Variants in NLGN4X observed in about 807,000 individuals in gnomAD.
NLGN4X encodes neuroligin-4, X-linked.
Under a neutral mutation model 40.3 loss-of-function variants are expected in NLGN4X, and 3 were observed. The observed-to-expected ratio is 0.07, with a 90% CI of 0.03 to 0.19. The LOEUF is 0.19. Among genes scored for constraint, NLGN4X ranks in the 10% least tolerant of loss-of-function variants. NLGN4X has a pLI of 1.00. For synonymous variants in NLGN4X, 270 were observed against 306.8 expected, an observed-to-expected ratio of 0.88 and a Z score of 1.25; for missense variants, 382 against 708.3, an observed-to-expected ratio of 0.54 and a Z score of 5.23.
At chrX:6,117,579 C>T (rs2039330914) in intron 2 of NLGN4X, among the ~76,000 whole-genome samples, 1 of 111,648 alleles carries the variant, frequency 9.0e-6, no homozygotes, top group South Asian at 3.8e-4. Flanking sequence ...ATTCCTGGTC[C>T]TGCCTTGTTC....
chrX:6,146,799 T>C (rs925374773), intron 2 of NLGN4X, among the ~76,000 whole-genome samples: 3 of 111,113 alleles, frequency 2.7e-5, no homozygotes, highest in Non-Finnish European at 5.7e-5. Flanking sequence ...TGCTTTGTTT[T>C]GTTTTGAGAG....
intron 3 of NLGN4X, among the ~76,000 whole-genome samples, chrX:5,966,729 C>G (rs1768483820): frequency 9.0e-6 from 1 of 110,811 alleles, no homozygotes; most frequent in Admixed American, 9.7e-5. Context: ...AAAATGTTTA[C>G]TGTAGTTTCA....
In NLGN4X at chrX:6,143,802, T is replaced by C. The variant is rs374811752; in HGVS notation, c.472+7193A>G. On this transcript the variant is annotated intron_variant, in intron 2 of 5. Coordinates refer to ENST00000381095, the MANE Select transcript of NLGN4X (RefSeq NM_181332.3). ...GGGTTCCAGACCAGTCTGGGCAACA[T>C]AGGAAGGCTCCAACTCTTTAAAAAT... 7.1e-5 allele frequency among the ~76,000 whole-genome samples: 8 copies of C among 112,119 alleles called. No homozygotes were observed. In the East Asian group the frequency reaches 1.7e-3, roughly 24 times the overall value.
intron 3 of NLGN4X, among the ~76,000 whole-genome samples, chrX:5,975,610 T>A (rs1331166425): frequency 2.3e-5 from 2 of 86,142 alleles, no homozygotes; most frequent in Non-Finnish European, 4.3e-5. Flanking sequence ...AAGACTCCGT[T>A]TCAAAAAAAA....
chrX:5,998,039 C>T (rs1351876406), intron 3 of NLGN4X, among the ~76,000 whole-genome samples: 2 of 111,695 alleles, frequency 1.8e-5, no homozygotes, highest in African/African-American at 3.3e-5. Flanking sequence ...CATCTTTAAG[C>T]CCTTTGTATT....
At chrX:6,192,678 CAT>C (rs910356327) in intron 1 of NLGN4X, among the ~76,000 whole-genome samples, 4 of 111,354 alleles carry the variant, frequency 3.6e-5, no homozygotes, top group East Asian at 2.8e-4. Flanking sequence ...AACAGCAGCA[CAT>C]GTTTCCCATA....
At chrX:6,192,335 C>A (rs1922618319) in intron 1 of NLGN4X, among the ~76,000 whole-genome samples, 1 of 110,631 alleles carries the variant, frequency 9.0e-6, no homozygotes. Flanking sequence ...ACTGTGTGGC[C>A]CAGGCTGGTC....
chrX:5,936,663 C>G (rs181814987), intron 3 of NLGN4X, among the ~76,000 whole-genome samples: 2 of 111,926 alleles, frequency 1.8e-5, no homozygotes, highest in East Asian at 5.7e-4. Context: ...AGTAATTACT[C>G]AAATTGCACG....
intron 1 of NLGN4X, among the ~76,000 whole-genome samples, chrX:6,160,973 A>C (rs1183089866): frequency 9.9e-6 from 1 of 101,064 alleles, no homozygotes; most frequent in Non-Finnish European, 2.0e-5. Context: ...AAAATATATT[A>C]TTCTATATAT....
chrX:5,991,646 C>T, intron 3 of NLGN4X: 1 of 408,733 alleles, frequency 2.4e-6, no homozygotes, highest in East Asian at 4.3e-5. Flanking sequence ...TTACATCCAT[C>T]AGTGCTAATA....
intron 2 of NLGN4X, among the ~76,000 whole-genome samples, chrX:6,125,740 T>A (rs979941121): frequency 8.1e-5 from 9 of 111,695 alleles, no homozygotes; most frequent in Non-Finnish European, 1.3e-4. Context: ...TTTTAGTAAT[T>A]CTACTTATTT....
intron 2 of NLGN4X, among the ~76,000 whole-genome samples, chrX:6,147,149 T>C (rs1179102298): frequency 3.6e-5 from 4 of 111,548 alleles, no homozygotes; most frequent in Non-Finnish European, 5.6e-5. Flanking sequence ...AGTCCCATGA[T>C]GAAGAATGGA....
At chrX:6,065,563 T>C (rs1399809726) in intron 2 of NLGN4X, among the ~76,000 whole-genome samples, 1 of 111,378 alleles carries the variant, frequency 9.0e-6, no homozygotes, top group East Asian at 2.8e-4. Context: ...GCCAAATGTT[T>C]AAGGGGAGAA....
At chrX:5,895,797 TAAAC>T (rs1372367329) in intron 5 of NLGN4X, among the ~76,000 whole-genome samples, 3 of 111,740 alleles carry the variant, frequency 2.7e-5, no homozygotes, top group Admixed American at 9.5e-5. Flanking sequence ...TATTTACTGA[TAAAC>T]AATATATTTG....
intron 1 of NLGN4X, among the ~76,000 whole-genome samples, chrX:6,199,420 AAT>A (rs1402809909): frequency 8.9e-6 from 1 of 111,914 alleles, no homozygotes; most frequent in Non-Finnish European, 1.9e-5. Context: ...TAAGTTTAAA[AAT>A]AGAGGATTGA....
At position 6,188,604 on chromosome X, in the gene NLGN4X, C is replaced by A. The variant is rs1014273926; in HGVS notation, c.-305-36833G>T. Among the ~76,000 whole-genome samples, 4 of 110,715 alleles carry A rather than the reference C, an allele frequency of 3.6e-5. No individual in the cohort carries two copies. The Admixed American group carries it at 3.9e-4, about 11-fold the overall frequency. ...TGCACCACATTGATTTGCATAACTA[C>A]TCTATGTCCTTTGAAACCACAAAAT... On this transcript the variant is annotated intron_variant, in intron 1 of 5. Transcript: ENST00000381095.
At chrX:5,992,488 C>T (rs909168241) in intron 3 of NLGN4X, among the ~76,000 whole-genome samples, 3 of 111,116 alleles carry the variant, frequency 2.7e-5, no homozygotes, top group Admixed American at 9.6e-5. Context: ...GTAGTCCTAG[C>T]TACTCGGGAG....
chrX:6,063,207 G>A (rs2037815903), intron 2 of NLGN4X, among the ~76,000 whole-genome samples: 1 of 111,918 alleles, frequency 8.9e-6, no homozygotes, highest in African/African-American at 3.3e-5. Context: ...ACGTATGGTG[G>A]CTCATGTCTG....
At chrX:6,152,538 C>A (rs2040187019) in intron 1 of NLGN4X, among the ~76,000 whole-genome samples, 1 of 111,651 alleles carries the variant, frequency 9.0e-6, no homozygotes, top group African/African-American at 3.3e-5. Flanking sequence ...AGCATGCATC[C>A]AAGTCAATCT....
Sources: allele counts gnomAD v4.1 joint callset (sites outside exome capture counted in the v4.1 genomes callset), GRCh38; gene constraint gnomAD v4.1.1; transcripts MANE v1.5; gene names NCBI Gene and HGNC (gene_info 2026-07-23, HGNC 2026-07-21).